PLXNA4: variants seen among roughly 807,000 people sequenced by gnomAD.
The protein encoded by PLXNA4 is plexin A4.
In PLXNA4, 44 loss-of-function variants were observed where a neutral mutation model predicts 191.8. That is an observed-to-expected ratio of 0.23 (90% CI 0.18 to 0.29). The LOEUF (loss-of-function observed/expected upper bound fraction) is 0.29. Ranked by LOEUF, PLXNA4 falls within the 10% of genes least tolerant of loss-of-function variation. The pLI is 1.00. For missense variants in PLXNA4, 1,800 were observed against 2,488.8 expected, an observed-to-expected ratio of 0.72 and a Z score of 5.89; for synonymous variants, 1,082 against 1,009.5, an observed-to-expected ratio of 1.07 and a Z score of -1.36.
intron 3 of PLXNA4, among the ~76,000 whole-genome samples, chr7:132,468,594 T>G (rs1188361905): frequency 6.6e-6 from 1 of 152,142 alleles, no homozygotes; most frequent in East Asian, 1.9e-4. Flanking sequence ...CCTCTCACTC[T>G]TCCTGCAGAT....
chr7:132,486,616 C>T (rs1797568344), intron 3 of PLXNA4, among the ~76,000 whole-genome samples: 1 of 152,224 alleles, frequency 6.6e-6, no homozygotes, highest in Non-Finnish European at 1.5e-5. Context: ...AGGCTCATTC[C>T]CCCCAACTGA....
intron 2 of PLXNA4, among the ~76,000 whole-genome samples, chr7:132,496,675 T>C (rs1056053092): frequency 6.6e-6 from 1 of 152,186 alleles, no homozygotes; most frequent in Admixed American, 6.5e-5. Context: ...GCTGAGATTA[T>C]AGGCATGAGC....
chr7:132,605,462 CATG>C lies in PLXNA4; in HGVS notation c.-87+40463_-87+40465del, dbSNP rs1331144198. Among the ~76,000 whole-genome samples, 4 of 151,968 alleles carry C rather than the reference CATG, an allele frequency of 2.6e-5. No individual in the cohort carries two copies. The East Asian group carries it at 7.7e-4, about 29-fold the overall frequency. The stretch of plus-strand genomic sequence containing the variant: ...TTGGTCCTGGAGAACAGGTGGGTGA[CATG>C]ATAAGTGGTGGAAAGGTCAAGGGCT... On this transcript the variant is annotated intron_variant, in intron 2 of 4. Coordinates refer to the PLXNA4 transcript ENST00000378539.
intron 2 of PLXNA4, among the ~76,000 whole-genome samples, chr7:132,619,333 A>C (rs1356106231): frequency 6.6e-6 from 1 of 152,226 alleles, no homozygotes; most frequent in Admixed American, 6.5e-5. Flanking sequence ...CATATACATG[A>C]AATACAATCT....
At chr7:132,367,130 T>C (rs189787899) in intron 3 of PLXNA4, among the ~76,000 whole-genome samples, 22 of 152,342 alleles carry the variant, frequency 1.4e-4, no homozygotes, top group Middle Eastern at 3.4e-3. Context: ...AATGAAACTC[T>C]TGCTAAACAT....
At chr7:132,597,155 C>A (rs1802726357) in intron 2 of PLXNA4, among the ~76,000 whole-genome samples, 1 of 152,182 alleles carries the variant, frequency 6.6e-6, no homozygotes, top group Non-Finnish European at 1.5e-5. Context: ...ATTCCCTCTG[C>A]AGAATTATCA....
intron 1 of PLXNA4, among the ~76,000 whole-genome samples, chr7:132,547,997 T>C (rs1424551598): frequency 6.6e-6 from 1 of 152,164 alleles, no homozygotes; most frequent in Non-Finnish European, 1.5e-5. Flanking sequence ...CGAGTAGATC[T>C]AATGCTGTTG....
At chr7:132,439,510 A>G (rs1412324291) in intron 3 of PLXNA4, among the ~76,000 whole-genome samples, 1 of 130,532 alleles carries the variant, frequency 7.7e-6, no homozygotes, top group Non-Finnish European at 1.8e-5. Flanking sequence ...ATACGCATAC[A>G]CACATACACA....
chr7:132,602,914 A>G (rs1242714171), intron 2 of PLXNA4, among the ~76,000 whole-genome samples: 1 of 152,202 alleles, frequency 6.6e-6, no homozygotes, highest in African/African-American at 2.4e-5. Flanking sequence ...GTACAATTCT[A>G]TGAACCAGAA....
At chr7:132,208,924 C>T (rs148866784) in intron 10 of PLXNA4, among the ~76,000 whole-genome samples, 19 of 152,264 alleles carry the variant, frequency 1.2e-4, no homozygotes, top group African/African-American at 3.9e-4. Flanking sequence ...CACCCACGTT[C>T]GGGGAGTTCC....
At chr7:132,339,657 T>TCTCCC (rs1215866216) in intron 3 of PLXNA4, among the ~76,000 whole-genome samples, 1 of 152,130 alleles carries the variant, frequency 6.6e-6, no homozygotes. Flanking sequence ...ATATAACCTC[T>TCTCCC]CTCCCCCTGT....
chr7:132,406,790 CCT>C (rs1450948427), intron 3 of PLXNA4, among the ~76,000 whole-genome samples: 1 of 152,062 alleles, frequency 6.6e-6, no homozygotes, highest in African/African-American at 2.4e-5. Flanking sequence ...AGCCACGCAA[CCT>C]CTCTGTGAAT....
chr7:132,141,177 C>T (rs1795257307), intron 29 of PLXNA4, among the ~76,000 whole-genome samples: 1 of 152,122 alleles, frequency 6.6e-6, no homozygotes, highest in Non-Finnish European at 1.5e-5. Flanking sequence ...TCTGTCTGCT[C>T]CTAAGCCTGG....
At chr7:132,299,104 A>G (rs2116507679) in intron 3 of PLXNA4, among the ~76,000 whole-genome samples, 1 of 152,344 alleles carries the variant, frequency 6.6e-6, no homozygotes, top group African/African-American at 2.4e-5. Context: ...CATAGATCCA[A>G]CATGACCGCT....
intron 2 of PLXNA4, among the ~76,000 whole-genome samples, chr7:132,582,528 C>T (rs1179415610): frequency 6.6e-6 from 1 of 152,172 alleles, no homozygotes; most frequent in Non-Finnish European, 1.5e-5. Context: ...CATTTTAGCT[C>T]CCAGCTTGGT....
Position 132,210,953 on chromosome 7 carries a change from T to C in PLXNA4, c.2288A>G (p.Gln763Arg), listed in dbSNP as rs1797779989. ...GGTTGGGCGACTCACAGAGGTGTTC[T>C]GGCACTGTACGCTGGAGCTGTTGAA... ...LRFNSSSVQCQNTSYSYEGME... is the reference protein window; with the variant it reads ...LRFNSSSVQCRNTSYSYEGME... The change falls in exon 10 of 32, where the codon CAG becomes CGG. Residue 763 changes from glutamine to arginine, a missense_variant. This residue lies in a region of PLXNA4 where 1,397 missense variants were observed against 1,880.4 expected (regional missense o/e 0.74). Transcript: ENST00000321063. 2 of 1,612,230 alleles carry C rather than the reference T, an allele frequency of 1.2e-6. No individual in the cohort carries two copies. Among genetic ancestry groups the C allele is most frequent in the Non-Finnish European group, 1.7e-6 (2 of 1,179,842 alleles).
chr7:132,551,591 C>T (rs1800564218), intron 1 of PLXNA4, among the ~76,000 whole-genome samples: 1 of 152,172 alleles, frequency 6.6e-6, no homozygotes, highest in Non-Finnish European at 1.5e-5. Context: ...GAGCTCTCTG[C>T]AAAAGACGTA....
chr7:132,286,086 A>C (rs1387175479), intron 4 of PLXNA4, among the ~76,000 whole-genome samples: 1 of 152,156 alleles, frequency 6.6e-6, no homozygotes, highest in East Asian at 1.9e-4. Context: ...TAACTCCATG[A>C]GAAAGTTGGG....
At position 132,540,569 on chromosome 7, in the gene PLXNA4, C is replaced by CTTTTTTTTTTTTTTTT. The variant is rs71915138; in HGVS notation, c.-86-31806_-86-31791dup. ...AGCAGAAGGTGTAGTGTGGACCGTT[C>CTTTTTTTTTTTTTTTT]TTTTTTTTTTTTTTTTTTTTTTTTT... On this transcript the variant is annotated intron_variant, in intron 1 of 31. Transcript: ENST00000321063. Among the ~76,000 whole-genome samples the CTTTTTTTTTTTTTTTT allele has an allele frequency of 9.8e-5, 6 of 61,006 alleles. 2 individuals carry two copies. The highest frequency in any genetic ancestry group is 1.4e-3 in the East Asian group (2 of 1,480). The allele number at this position is 61,006 out of a possible 152,430, so 40.0% of individuals were successfully genotyped here. A position where few individuals can be genotyped will look rare whatever the true frequency, so the allele number is the denominator to read the frequency against.
Sources: gnomAD v4.1 joint callset for allele counts (sites outside exome capture counted in the v4.1 genomes callset) on GRCh38, gnomAD v4.1.1 for gene constraint, gnomAD v4.1.1 regional missense constraint, MANE v1.5 for transcripts, NCBI Gene and HGNC (gene_info 2026-07-23, HGNC 2026-07-21) for gene names.